Variants in BMERB1 observed in about 807,000 individuals in gnomAD.
BMERB1 encodes bMERB domain-containing protein 1.
Under a neutral mutation model 23.6 loss-of-function variants are expected in BMERB1, and 12 were observed. The observed-to-expected ratio is 0.51, with a 90% CI of 0.33 to 0.82. The LOEUF is 0.82. Among genes scored for constraint, BMERB1 ranks in the 40% least tolerant of loss-of-function variants. BMERB1 has a pLI of 0.03. For missense variants in BMERB1, 247 were observed against 255.4 expected (o/e 0.97, Z 0.22); for synonymous variants, 122 against 96.6 (o/e 1.26, Z -1.54).
intron 2 of BMERB1, among the ~76,000 whole-genome samples, chr16:15,557,021 C>G (rs892405744): frequency 1.1e-4 from 16 of 152,202 alleles, no homozygotes; most frequent in Non-Finnish European, 1.5e-4. Flanking sequence ...GTCGTGGTCT[C>G]TGCTGGGTTT....
chr16:15,496,543 A>AT (rs773978025), intron 1 of BMERB1, among the ~76,000 whole-genome samples: 3,203 of 144,574 alleles, frequency 0.022, 97 homozygotes, highest in African/African-American at 0.07. Flanking sequence ...TACAAGGGAA[A>AT]TTTTTTTTTT....
At chr16:15,582,570 TTAAC>T (rs1011726498) in intron 4 of BMERB1, among the ~76,000 whole-genome samples, 31 of 152,188 alleles carry the variant, frequency 2.0e-4, no homozygotes, top group African/African-American at 6.7e-4. Context: ...TTTTTTTTAA[TTAAC>T]TAGGAGTGGT....
At chr16:15,546,320 C>T (rs2029908554) in intron 2 of BMERB1, among the ~76,000 whole-genome samples, 1 of 152,022 alleles carries the variant, frequency 6.6e-6, no homozygotes, top group Non-Finnish European at 1.5e-5. Context: ...CAAACAAAAA[C>T]ACATACACAT....
chr16:15,555,305 C>T (rs2030222067), intron 2 of BMERB1, among the ~76,000 whole-genome samples: 1 of 152,166 alleles, frequency 6.6e-6, no homozygotes, highest in African/African-American at 2.4e-5. Flanking sequence ...AACTCCTGGA[C>T]TCTATCGATC....
At chr16:15,519,711 G>A (rs1038315705) in intron 2 of BMERB1, among the ~76,000 whole-genome samples, 1 of 151,936 alleles carries the variant, frequency 6.6e-6, no homozygotes, top group Non-Finnish European at 1.5e-5. Context: ...GCATGAGTCC[G>A]GGGGGGACTG....
At chr16:15,523,730 A>G (rs1238671274) in intron 2 of BMERB1, among the ~76,000 whole-genome samples, 1 of 152,222 alleles carries the variant, frequency 6.6e-6, no homozygotes, top group African/African-American at 2.4e-5. Flanking sequence ...AAACAGACAC[A>G]GGTATGAAAT....
At chr16:15,579,771 G>A (rs1437716454) in intron 3 of BMERB1, among the ~76,000 whole-genome samples, 1 of 151,860 alleles carries the variant, frequency 6.6e-6, no homozygotes, top group Non-Finnish European at 1.5e-5. Flanking sequence ...TTCACCAAAG[G>A]GAAAAAAACA....
Position 15,434,737 on chromosome 16 carries a change from G to C in BMERB1, c.84G>C (p.Trp28Cys). The change falls in exon 1 of 6, where the codon TGG becomes TGC. Residue 28 changes from tryptophan to cysteine, a missense_variant. Transcript: ENST00000300006. Reference sequence around the variant, plus strand: ...ATGGGGCGGTGGAGGAGACGGCTTGGAAAACGGAGAGACTGGGGAGAAGTG... The same window carrying C: ...ATGGGGCGGTGGAGGAGACGGCTTGCAAAACGGAGAGACTGGGGAGAAGTG... ...RRYGAVEETA[W>C]KTERLGRNQL... 1 of 1,247,840 alleles carries C rather than the reference G, an allele frequency of 8.0e-7. No individual in the cohort carries two copies. The highest frequency in any genetic ancestry group is 1.2e-5 in the South Asian group (1 of 85,386). 77.3% of individuals were successfully genotyped at this position (1,247,840 alleles called of 1,614,324 possible).
intron 1 of BMERB1, among the ~76,000 whole-genome samples, chr16:15,503,708 C>G (rs1221869781): frequency 2.0e-5 from 3 of 152,108 alleles, no homozygotes; most frequent in African/African-American, 7.2e-5. Context: ...CTTCATGAGG[C>G]AGGAGTTATT....
chr16:15,454,548 T>C (rs1313706657), intron 1 of BMERB1, among the ~76,000 whole-genome samples: 1 of 152,166 alleles, frequency 6.6e-6, no homozygotes, highest in Non-Finnish European at 1.5e-5. Flanking sequence ...ATCCCAGCAC[T>C]TTGGGAGGCC....
intron 2 of BMERB1, among the ~76,000 whole-genome samples, chr16:15,523,021 G>A (rs1228412334): frequency 2.0e-5 from 3 of 152,196 alleles, no homozygotes; most frequent in Admixed American, 2.0e-4. Context: ...TGGAGAATGA[G>A]AGCAAGGTTT....
intron 2 of BMERB1, among the ~76,000 whole-genome samples, chr16:15,558,697 T>C (rs898404504): frequency 6.7e-6 from 1 of 149,814 alleles, no homozygotes; most frequent in African/African-American, 2.5e-5. Context: ...TAGTGACATA[T>C]GTAAGGAAGC....
intron 1 of BMERB1, among the ~76,000 whole-genome samples, chr16:15,463,258 A>T (rs2150928600): frequency 6.7e-6 from 1 of 148,332 alleles, no homozygotes; most frequent in African/African-American, 2.6e-5. Context: ...AAATCAATTA[A>T]ATATATATAT....
chr16:15,513,908 A>C (rs1465732267), intron 1 of BMERB1, among the ~76,000 whole-genome samples: 1 of 152,122 alleles, frequency 6.6e-6, no homozygotes, highest in African/African-American at 2.4e-5. Flanking sequence ...AAGAAAAAAA[A>C]GTGTGTCTGT....
At chr16:15,585,163 G>C (rs145626370) in intron 5 of BMERB1, among the ~76,000 whole-genome samples, 2 of 152,358 alleles carry the variant, frequency 1.3e-5, no homozygotes, top group East Asian at 3.9e-4. Context: ...CAAGGCACGT[G>C]ATCACTGCCG....
intron 2 of BMERB1, among the ~76,000 whole-genome samples, chr16:15,534,007 G>A (rs949516528): frequency 2.6e-5 from 4 of 152,022 alleles, no homozygotes; most frequent in African/African-American, 9.7e-5. Flanking sequence ...TTGGTTCCTT[G>A]AGTCCTGTAC....
intron 1 of BMERB1, among the ~76,000 whole-genome samples, chr16:15,446,595 A>T (rs529913825): frequency 6.6e-6 from 1 of 152,114 alleles, no homozygotes; most frequent in Non-Finnish European, 1.5e-5. Flanking sequence ...AATTGGCCCA[A>T]TGTCACTCCA....
At chr16:15,573,816 G>C (rs888632924) in intron 3 of BMERB1, among the ~76,000 whole-genome samples, 7 of 150,164 alleles carry the variant, frequency 4.7e-5, no homozygotes, top group Non-Finnish European at 1.0e-4. Flanking sequence ...CTCACAGTTC[G>C]GCATAGCTGG....
At chr16:15,477,383 T>G (rs2051283414) in intron 1 of BMERB1, among the ~76,000 whole-genome samples, 1 of 152,128 alleles carries the variant, frequency 6.6e-6, no homozygotes, top group South Asian at 2.1e-4. Context: ...ACGTGGGGAT[T>G]ATGGGAATTA....
Sources: allele counts gnomAD v4.1 joint callset (sites outside exome capture counted in the v4.1 genomes callset), GRCh38; gene constraint gnomAD v4.1.1; transcripts MANE v1.5; gene names NCBI Gene and HGNC (gene_info 2026-07-23, HGNC 2026-07-21).